ZNF106: variants seen among roughly 807,000 people sequenced by gnomAD.
ZNF106 encodes SH3-domain binding protein 3.
Under a neutral mutation model 195.1 loss-of-function variants are expected in ZNF106, and 67 were observed. The observed-to-expected ratio is 0.34, with a 90% CI of 0.28 to 0.42. The LOEUF (loss-of-function observed/expected upper bound fraction) is 0.42, where lower values mean the gene tolerates loss of function less well. Among genes scored for constraint, ZNF106 ranks in the 10% least tolerant of loss-of-function variants. The probability of loss-of-function intolerance (pLI) is 1.00; values close to 1 mark genes in which losing one functional copy is unlikely to be tolerated. For synonymous variants in ZNF106, 784 were observed against 818.6 expected (o/e 0.96, Z 0.72); for missense variants, 2,118 against 2,304.5 (o/e 0.92, Z 1.66).
At chr15:42,447,422 C>T (rs2055812581) in intron 6 of ZNF106, among the ~76,000 whole-genome samples, 1 of 151,644 alleles carries the variant, frequency 6.6e-6, no homozygotes, top group Non-Finnish European at 1.5e-5. Flanking sequence ...TTTCACATTG[C>T]CAGATCCCAG....
rs34792942 is a variant in ZNF106, at chr15:42,450,237, T to C, written c.2035A>G (p.Met679Val). Reference sequence around the variant, plus strand: ...GGGTGTGGACTGGCTGCAGATGTCATTTGTAATTCAGATTCTTTCTGGCGA... The same window carrying C: ...GGGTGTGGACTGGCTGCAGATGTCACTTGTAATTCAGATTCTTTCTGGCGA... ...IVRQKESELQ[M>V]TSAASPHPGL... Residue 679 changes from methionine (M) to valine (V), a missense_variant, in exon 5 of 22, where the codon ATG (methionine) becomes GTG (valine). By Grantham distance (21) the Met-to-Val change is conservative. Coordinates refer to ENST00000564754, the MANE Select transcript of ZNF106 (RefSeq NM_001366845.3). 0.078 allele frequency: 125,678 copies of C among 1,614,140 alleles called. 5,823 individuals carry two copies. The highest frequency in any genetic ancestry group is 0.17 in the South Asian group (15,242 of 91,084).
chr15:42,490,229 CA>C (rs746605191), intron 1 of ZNF106: 1,605 of 131,206 alleles, frequency 0.012, 27 homozygotes, highest in African/African-American at 0.037. Context: ...AACTTTGTCT[CA>C]AAAAAAAAAA....
chr15:42,429,247 T>C (rs1446638918), intron 14 of ZNF106, among the ~76,000 whole-genome samples: 2 of 151,278 alleles, frequency 1.3e-5, no homozygotes, highest in Non-Finnish European at 2.9e-5. Flanking sequence ...GAGACTATCC[T>C]GGCTAACACG....
chr15:42,430,362 G>A (rs2055005910), intron 14 of ZNF106, among the ~76,000 whole-genome samples: 2 of 151,822 alleles, frequency 1.3e-5, no homozygotes, highest in African/African-American at 4.9e-5. Context: ...TTTTGTCAAT[G>A]TATGTTTAGG....
At chr15:42,459,465 G>A (rs2056333836) in intron 3 of ZNF106, among the ~76,000 whole-genome samples, 1 of 152,038 alleles carries the variant, frequency 6.6e-6, no homozygotes, top group African/African-American at 2.4e-5. Context: ...AACAGAGTGA[G>A]ACTCCGTCTC....
intron 4 of ZNF106, among the ~76,000 whole-genome samples, chr15:42,455,656 T>C (rs902464403): frequency 2.0e-5 from 3 of 152,198 alleles, no homozygotes; most frequent in Admixed American, 1.3e-4. Flanking sequence ...ACCAGGACAA[T>C]AGGCCTGAGC....
chr15:42,468,363 C>T (rs1249614803), intron 2 of ZNF106, among the ~76,000 whole-genome samples: 3 of 151,674 alleles, frequency 2.0e-5, no homozygotes, highest in Admixed American at 2.0e-4. Context: ...CAGGCATGAG[C>T]CACTGTGCCC....
At chr15:42,486,422 G>C (rs930414405) in intron 1 of ZNF106, among the ~76,000 whole-genome samples, 5 of 152,008 alleles carry the variant, frequency 3.3e-5, no homozygotes, top group Non-Finnish European at 7.4e-5. Flanking sequence ...ACTATACTTG[G>C]TCAATTTTTA....
Position 42,444,863 on chromosome 15 carries a change from A to G in ZNF106, c.3324T>C (p.Tyr1108=). Residue 1108 remains tyrosine (Y), a synonymous_variant, in exon 8 of 22, where the codon TAT becomes TAC. Coordinates refer to ENST00000564754, the MANE Select transcript of ZNF106 (RefSeq NM_001366845.3). ...LQARAALQTA[Y]VEVQRLLMLK... ...GCATAAGTAGCCTCTGAACTTCCAC[A>G]TAAGCTGTCTGAAGGGCTGCACGGG... is the stretch of plus-strand genomic sequence containing the variant. The G allele has an allele frequency of 3.1e-6, 5 of 1,614,166 alleles. No homozygotes were observed. Among genetic ancestry groups the G allele is most frequent in the Non-Finnish European group, 4.2e-6 (5 of 1,180,008 alleles).
At position 42,413,357 on chromosome 15, in the gene ZNF106, G is replaced by C. The variant is rs537198509; in HGVS notation, c.*3947C>G. 12 of 152,260 alleles carry C rather than the reference G, an allele frequency of 7.9e-5. No homozygotes were observed. Among genetic ancestry groups the C allele is most frequent in the African/African-American group, 2.6e-4 (11 of 41,546 alleles). 9.4% of individuals were successfully genotyped at this position (152,260 alleles called of 1,614,324 possible). Reference sequence around the variant, plus strand: ...GAGGAACCTGATGATTTGGGGGCAGGGATAAAACCATTATTTTATAAATGT... The same window carrying C: ...GAGGAACCTGATGATTTGGGGGCAGCGATAAAACCATTATTTTATAAATGT... On this transcript the variant is annotated 3_prime_UTR_variant, in exon 22 of 22. Transcript: ENST00000564754.
intron 14 of ZNF106, among the ~76,000 whole-genome samples, chr15:42,428,754 T>C (rs2054944777): frequency 6.6e-6 from 1 of 151,992 alleles, no homozygotes; most frequent in Non-Finnish European, 1.5e-5. Flanking sequence ...CACTGTTTGA[T>C]CTGACCTTCA....
chr15:42,446,718 G>T, intron 6 of ZNF106, 60 bp from the exon 7 acceptor site: 1 of 1,383,062 alleles, frequency 7.2e-7, no homozygotes, highest in South Asian at 1.3e-5. Flanking sequence ...TCCAAGAGGA[G>T]AAAAAGGAAT....
At chr15:42,433,844 T>C (rs11638754) in intron 14 of ZNF106, among the ~76,000 whole-genome samples, 15,649 of 152,114 alleles carry the variant, frequency 0.1, 933 homozygotes, top group Non-Finnish European at 0.14. Context: ...TTTGTTTGTT[T>C]TGGTTAATTT....
In ZNF106 at chr15:42,438,598, T is replaced by G. The variant is rs753217675; in HGVS notation, c.4600+14A>C. 5.6e-6 allele frequency: 9 copies of G among 1,610,432 alleles called. No homozygotes were observed. In the East Asian group the frequency reaches 1.8e-4, roughly 32 times the overall value. On this transcript the variant is annotated intron_variant, in intron 12 of 21. Transcript: ENST00000564754. Reference sequence around the variant, plus strand: ...ATTCTGTGGTTAACTTAAATAAAACTGAACAGCAAATACCTGAAGAATTCT... The same window carrying G: ...ATTCTGTGGTTAACTTAAATAAAACGGAACAGCAAATACCTGAAGAATTCT...
At chr15:42,436,091 C>A (rs1412840941) in intron 13 of ZNF106, among the ~76,000 whole-genome samples, 2 of 151,884 alleles carry the variant, frequency 1.3e-5, no homozygotes, top group Non-Finnish European at 2.9e-5. Context: ...GTAGCTGGGA[C>A]TACAGGTGCC....
chr15:42,449,157 C>T (rs2055886626), intron 5 of ZNF106, among the ~76,000 whole-genome samples: 1 of 152,124 alleles, frequency 6.6e-6, no homozygotes, highest in Non-Finnish European at 1.5e-5. Context: ...CCCCTGAAGC[C>T]TGGAGAACTG....
In ZNF106 at chr15:42,450,342, T is replaced by G; in HGVS notation, c.1930A>C (p.Thr644Pro). ...TTELLSGSTR[T>P]ADEKEEDDRI... Reference sequence around the variant, plus strand: ...TCATCCTCCTCTTTCTCATCAGCAGTTCGAGTGCTGCCAGATAACAATTCT... The same window carrying G: ...TCATCCTCCTCTTTCTCATCAGCAGGTCGAGTGCTGCCAGATAACAATTCT... The change falls in exon 5 of 22, where the codon ACT becomes CCT. Residue 644 changes from threonine to proline, a missense_variant. Thr to Pro is a conservative substitution (Grantham distance 38, BLOSUM62 -1). Transcript: ENST00000564754. 1.2e-6 allele frequency: 2 copies of G among 1,614,194 alleles called. No individual in the cohort carries two copies. Among genetic ancestry groups the G allele is most frequent in the Non-Finnish European group, 1.7e-6 (2 of 1,180,034 alleles).
intron 6 of ZNF106, 59 bp downstream of exon 6, chr15:42,448,013 A>G: frequency 1.3e-6 from 2 of 1,523,042 alleles, no homozygotes; most frequent in Non-Finnish European, 1.8e-6. Flanking sequence ...ACCTTTTTTC[A>G]TAAGCAACCA....
intron 15 of ZNF106, among the ~76,000 whole-genome samples, chr15:42,426,121 G>A (rs1217510963): frequency 1.3e-5 from 2 of 152,138 alleles, no homozygotes; most frequent in African/African-American, 4.8e-5. Context: ...ACTGAAAGGA[G>A]GTCAGGACCC....
Sources: allele counts gnomAD v4.1 joint callset (sites outside exome capture counted in the v4.1 genomes callset), GRCh38; gene constraint gnomAD v4.1.1; transcripts MANE v1.5; gene names NCBI Gene and HGNC (gene_info 2026-07-23, HGNC 2026-07-21).